ANKS1B: variants seen among roughly 807,000 people sequenced by gnomAD.
The protein encoded by ANKS1B is ankyrin repeat and sterile alpha motif domain containing 1B.
In ANKS1B, 36 loss-of-function variants were observed where a neutral mutation model predicts 148.3. The observed-to-expected ratio is 0.24, with a 90% CI of 0.19 to 0.32. The LOEUF (loss-of-function observed/expected upper bound fraction) is 0.32, where lower values mean the gene tolerates loss of function less well. Among genes scored for constraint, ANKS1B ranks in the 10% least tolerant of loss-of-function variants. The probability of loss-of-function intolerance (pLI) is 1.00; values close to 1 mark genes in which losing one functional copy is unlikely to be tolerated. For synonymous variants in ANKS1B, 542 were observed against 560.8 expected (o/e 0.97, Z 0.47); for missense variants, 1,157 against 1,542.6 (o/e 0.75, Z 4.19).
chr12:99,879,174 CAG>C (rs749189651), intron 1 of ANKS1B, among the ~76,000 whole-genome samples: 1 of 152,156 alleles, frequency 6.6e-6, no homozygotes, highest in Non-Finnish European at 1.5e-5. Context: ...TCAGTATCTA[CAG>C]AGTTTTTCTC....
intron 8 of ANKS1B, among the ~76,000 whole-genome samples, chr12:99,711,050 T>C (rs2056565944): frequency 6.6e-6 from 1 of 152,110 alleles, no homozygotes; most frequent in African/African-American, 2.4e-5. Flanking sequence ...ACAGAATCTA[T>C]CCAACTTCCT....
intron 1 of ANKS1B, among the ~76,000 whole-genome samples, chr12:99,954,322 A>G (rs898708770): frequency 1.3e-5 from 2 of 152,212 alleles, no homozygotes; most frequent in African/African-American, 4.8e-5. Context: ...AAAAGCGTTA[A>G]TTCCAGGCTA....
rs2153920255 is a variant in ANKS1B at position 99,213,209 on chromosome 12, T to C, written c.2419+31133A>G. ...AGGATTTTTGATGGCTATAGCGTCA[T>C]TTCAGCATCCGCACGGCCTGCTTCT... is the stretch of plus-strand genomic sequence containing the variant. On this transcript the variant is annotated intron_variant, in intron 14 of 26. Transcript: ENST00000683438. Among the ~76,000 whole-genome samples, 3 of 152,324 alleles carry C rather than the reference T, an allele frequency of 2.0e-5. 1 individual carries two copies. The highest frequency in any genetic ancestry group is 6.8e-3 in the Middle Eastern group (2 of 294).
At chr12:99,130,584 T>C (rs2065813551) in intron 15 of ANKS1B, among the ~76,000 whole-genome samples, 1 of 152,196 alleles carries the variant, frequency 6.6e-6, no homozygotes. Context: ...TCCTGTGTCC[T>C]TCTTCCCTCT....
At chr12:99,928,574 G>C (rs2094534382) in intron 1 of ANKS1B, among the ~76,000 whole-genome samples, 1 of 152,132 alleles carries the variant, frequency 6.6e-6, no homozygotes, top group Non-Finnish European at 1.5e-5. Context: ...CACCGCGCCT[G>C]GCCTCACCTA....
chr12:99,106,114 C>T (rs1430307680), intron 15 of ANKS1B, among the ~76,000 whole-genome samples: 4 of 152,204 alleles, frequency 2.6e-5, no homozygotes, highest in African/African-American at 7.2e-5. Context: ...CAGATCTCTA[C>T]TTCAATAGAA....
At chr12:99,299,189 T>C (rs576569671) in intron 12 of ANKS1B, among the ~76,000 whole-genome samples, 7 of 152,112 alleles carry the variant, frequency 4.6e-5, no homozygotes, top group Non-Finnish European at 7.4e-5. Flanking sequence ...GCCCTTCAAG[T>C]AGCTGGGATT....
At chr12:99,218,439 A>G (rs1328073277) in intron 14 of ANKS1B, among the ~76,000 whole-genome samples, 3 of 152,194 alleles carry the variant, frequency 2.0e-5, no homozygotes, top group African/African-American at 7.2e-5. Flanking sequence ...CAGGTCCTGA[A>G]GCCTCTGCAA....
At chr12:99,775,414 C>A in intron 7 of ANKS1B, 134 bp downstream of exon 7, 1 of 498,164 alleles carries the variant, frequency 2.0e-6, no homozygotes, top group East Asian at 2.9e-5. Flanking sequence ...GGCTGAGAAG[C>A]CCTAATCAGT....
intron 1 of ANKS1B, among the ~76,000 whole-genome samples, chr12:99,877,995 G>A (rs918438394): frequency 4.6e-5 from 7 of 152,260 alleles, no homozygotes; most frequent in Admixed American, 3.3e-4. Context: ...AGGAAGTGGA[G>A]GGTGCAATCA....
At chr12:99,748,043 C>T (rs1055936812) in intron 8 of ANKS1B, among the ~76,000 whole-genome samples, 2 of 152,088 alleles carry the variant, frequency 1.3e-5, no homozygotes, top group Non-Finnish European at 2.9e-5. Context: ...CTATTTTCTA[C>T]AGCTCTTAAA....
chr12:99,129,364 A>T (rs1382665493), intron 15 of ANKS1B, among the ~76,000 whole-genome samples: 1 of 152,200 alleles, frequency 6.6e-6, no homozygotes, highest in Non-Finnish European at 1.5e-5. Context: ...GAAATGTGAC[A>T]TGTAGCATGG....
intron 1 of ANKS1B, among the ~76,000 whole-genome samples, chr12:99,935,255 T>G (rs911795409): frequency 6.6e-6 from 1 of 150,948 alleles, no homozygotes; most frequent in Non-Finnish European, 1.5e-5. Context: ...AACACCTGAC[T>G]ATAGCCACAA....
At chr12:99,426,961 G>A (rs1255474863) in intron 11 of ANKS1B, among the ~76,000 whole-genome samples, 1 of 152,132 alleles carries the variant, frequency 6.6e-6, no homozygotes, top group Non-Finnish European at 1.5e-5. Flanking sequence ...ATCTGGACAT[G>A]CTTGATTCGT....
At chr12:98,970,243 T>C (rs2153199341) in intron 17 of ANKS1B, among the ~76,000 whole-genome samples, 1 of 152,364 alleles carries the variant, frequency 6.6e-6, no homozygotes. Context: ...TCATTTGTTA[T>C]ATTTTCATGT....
chr12:98,886,647 T>A (rs1213965848), intron 17 of ANKS1B, among the ~76,000 whole-genome samples: 1 of 152,104 alleles, frequency 6.6e-6, no homozygotes, highest in African/African-American at 2.4e-5. Flanking sequence ...ATCCAACACC[T>A]CCACATATCT....
chr12:98,778,761 C>T (rs1298902424), intron 24 of ANKS1B, among the ~76,000 whole-genome samples: 1 of 152,130 alleles, frequency 6.6e-6, no homozygotes, highest in Non-Finnish European at 1.5e-5. Context: ...TCAGTCTTAC[C>T]CAGTCAAACT....
intron 17 of ANKS1B, among the ~76,000 whole-genome samples, chr12:98,916,968 T>C (rs1044729565): frequency 2.0e-5 from 3 of 151,762 alleles, no homozygotes; most frequent in Admixed American, 6.6e-5. Flanking sequence ...AACTATTTTT[T>C]TTTTTTTTTT....
intron 1 of ANKS1B, among the ~76,000 whole-genome samples, chr12:99,973,815 T>C (rs979187948): frequency 6.6e-6 from 1 of 152,202 alleles, no homozygotes; most frequent in Non-Finnish European, 1.5e-5. Flanking sequence ...TTGCTTCTTA[T>C]GGATAAGCAA....
Sources: allele counts gnomAD v4.1 joint callset (sites outside exome capture counted in the v4.1 genomes callset), GRCh38; gene constraint gnomAD v4.1.1; transcripts MANE v1.5; gene names NCBI Gene and HGNC (gene_info 2026-07-23, HGNC 2026-07-21).